MED12L: variants seen among roughly 807,000 people sequenced by gnomAD.
The protein encoded by MED12L is mediator complex subunit 12L, also known as mediator of RNA polymerase II transcription subunit 12-like protein.
MED12L carries 60 observed loss-of-function variants against 281.3 expected under a neutral mutation model. The ratio of observed to expected loss-of-function variants is 0.21; its 90% CI spans 0.17 to 0.26. The LOEUF is 0.26. Among genes scored for constraint, MED12L ranks in the 10% least tolerant of loss-of-function variants. The pLI is 1.00. For synonymous variants in MED12L, 974 were observed against 987.2 expected (o/e 0.99, Z 0.25); for missense variants, 2,146 against 2,680.9 (o/e 0.80, Z 4.41).
At chr3:151,299,050 C>G (rs570817546) in intron 16 of MED12L, among the ~76,000 whole-genome samples, 1 of 152,250 alleles carries the variant, frequency 6.6e-6, no homozygotes, top group African/African-American at 2.4e-5. Context: ...ACTACAGTAT[C>G]TAGTACTTAG....
chr3:151,143,839 A>G (rs906698694), intron 5 of MED12L, among the ~76,000 whole-genome samples: 1 of 152,200 alleles, frequency 6.6e-6, no homozygotes. Flanking sequence ...TTGGTGTCAC[A>G]TGTAGAAGGC....
At position 151,190,730 on chromosome 3, in the gene MED12L, T is replaced by C. The variant is rs34561681; in HGVS notation, c.1767T>C (p.Ser589=). 4,155 of 1,614,062 alleles carry C rather than the reference T, an allele frequency of 2.6e-3. 26 individuals carry two copies. Among genetic ancestry groups the C allele is most frequent in the Non-Finnish European group, 2.2e-3 (2,541 of 1,180,004 alleles). Residue 589 remains serine (S), a synonymous_variant, in exon 14 of 45, where the codon AGT becomes AGC. Coordinates refer to ENST00000687756, the MANE Select transcript of MED12L (RefSeq NM_001393769.1). ...GTTTCTCTATAGCGGACCCAAACAG[T>C]GAATGTGAAAAGGTGGAATTTGTGA... ...TQAPSLSDPN[S]ECEKVEFVNL...
At chr3:151,160,825 A>G (rs1357522851) in intron 8 of MED12L, among the ~76,000 whole-genome samples, 6 of 152,228 alleles carry the variant, frequency 3.9e-5, no homozygotes, top group Admixed American at 3.9e-4. Context: ...AGGCAGTTGA[A>G]AAGGGGAACC....
intron 16 of MED12L, among the ~76,000 whole-genome samples, chr3:151,281,320 G>A (rs1310269613): frequency 6.6e-6 from 1 of 150,702 alleles, no homozygotes; most frequent in Non-Finnish European, 1.5e-5. Flanking sequence ...TGAGGCAGGA[G>A]AATCACTCGA....
At chr3:151,126,757 G>T (rs192328065) in intron 4 of MED12L, among the ~76,000 whole-genome samples, 2 of 152,322 alleles carry the variant, frequency 1.3e-5, no homozygotes, top group East Asian at 3.9e-4. Flanking sequence ...TTGGCATGGA[G>T]AAATCCTTGG....
At position 151,435,065 on chromosome 3, in the gene MED12L, T is replaced by TC. The variant is rs1352601653; in HGVS notation, c.*2261_*2262insC. ...AATTCTGTATCTTGAGAGGTTTCTTTTTTTTTTTTTTTTTTTTCTTTTCTT... is the reference window on the plus strand; with the variant it reads ...AATTCTGTATCTTGAGAGGTTTCTTTCTTTTTTTTTTTTTTTTTCTTTTCTT... On this transcript the variant is annotated 3_prime_UTR_variant, in exon 45 of 45. Transcript: ENST00000687756. 4.1e-4 allele frequency: 54 copies of TC among 130,342 alleles called. No individual in the cohort carries two copies. The highest frequency in any genetic ancestry group is 1.7e-3 in the African/African-American group (45 of 26,484). 8.1% of individuals were successfully genotyped at this position (130,342 alleles called of 1,614,324 possible). A position where few individuals can be genotyped will look rare whatever the true frequency, so the allele number is the denominator to read the frequency against.
At chr3:151,135,949 C>A (rs550911817) in intron 5 of MED12L, among the ~76,000 whole-genome samples, 4 of 152,252 alleles carry the variant, frequency 2.6e-5, no homozygotes, top group African/African-American at 9.6e-5. Context: ...ACATATCATG[C>A]GCATGAGGTC....
At chr3:151,294,898 G>A (rs755038823) in intron 16 of MED12L, 2 of 1,613,854 alleles carry the variant, frequency 1.2e-6, no homozygotes, top group Non-Finnish European at 1.7e-6. Flanking sequence ...AAACTGAAGT[G>A]TATCTGCAGA....
rs376743895 is a variant in MED12L, at chr3:151,141,187, G to GTTTTTTTGTTTTTTTGTTTTTT, written c.556+13210_556+13211insGTTTTTTTGTTTTTTTTTTTTT. Among the ~76,000 whole-genome samples, 6 of 99,106 alleles carry GTTTTTTTGTTTTTTTGTTTTTT rather than the reference G, an allele frequency of 6.1e-5. 1 individual carries two copies. Among genetic ancestry groups the GTTTTTTTGTTTTTTTGTTTTTT allele is most frequent in the African/African-American group, 2.9e-4 (6 of 20,974 alleles). 65.0% of individuals were successfully genotyped at this position (99,106 alleles called of 152,430 possible). ...TGGCGTTTTTTTTTTTGTTTTTTTT[G>GTTTTTTTGTTTTTTTGTTTTTT]TTTTTTTTTTTTTGTTAGTAGAGAC... On this transcript the variant is annotated intron_variant, in intron 5 of 44. Coordinates refer to ENST00000687756, the MANE Select transcript of MED12L (RefSeq NM_001393769.1).
chr3:151,157,995 G>C (rs1357822728), intron 6 of MED12L, among the ~76,000 whole-genome samples: 1 of 152,126 alleles, frequency 6.6e-6, no homozygotes, highest in Non-Finnish European at 1.5e-5. Flanking sequence ...TTATCTATGT[G>C]TATATGCATA....
chr3:151,323,347 C>T (rs1000085399), intron 16 of MED12L, among the ~76,000 whole-genome samples: 1 of 152,182 alleles, frequency 6.6e-6, no homozygotes, highest in Non-Finnish European at 1.5e-5. Context: ...TAAAGCACAG[C>T]CCAGAACATG....
At chr3:151,242,072 A>T (rs1734237507) in intron 16 of MED12L, among the ~76,000 whole-genome samples, 1 of 152,194 alleles carries the variant, frequency 6.6e-6, no homozygotes, top group Non-Finnish European at 1.5e-5. Context: ...CGACGGGCTT[A>T]AAAAACGGGG....
rs774414819 is a variant in MED12L, at chr3:151,193,530, A to G, written c.2114A>G (p.Asn705Ser). ...CCTGGAGAATCCTGTGAGAATGCCA[A>G]CACTTCGTTGGGCAGAAGAATGTCA... is the stretch of plus-strand genomic sequence containing the variant. ...PMPGESCENA[N>S]TSLGRRMSVN... is the part of the protein sequence containing the mutation. Residue 705 changes from asparagine (N) to serine (S), a missense_variant, in exon 16 of 45, where the codon AAC becomes AGC. By Grantham distance (46) the Asn-to-Ser change is conservative (BLOSUM62 1). Coordinates refer to ENST00000687756, the MANE Select transcript of MED12L (RefSeq NM_001393769.1). 13 of 1,613,916 alleles carry G rather than the reference A, an allele frequency of 8.1e-6. No homozygotes were observed. Among genetic ancestry groups the G allele is most frequent in the East Asian group, 2.2e-5 (1 of 44,890 alleles).
At chr3:151,175,613 C>CA (rs1286476813) in intron 11 of MED12L, among the ~76,000 whole-genome samples, 1 of 152,136 alleles carries the variant, frequency 6.6e-6, no homozygotes, top group Non-Finnish European at 1.5e-5. Flanking sequence ...ATGTAGTTGT[C>CA]AGTTATTTTA....
chr3:151,430,276 C>A, intron 43 of MED12L, 23 bp from the exon 44 acceptor site: 1 of 1,613,874 alleles, frequency 6.2e-7, no homozygotes, highest in Non-Finnish European at 8.5e-7. Context: ...TGATTTCTGT[C>A]CTTTCTCCTG....
chr3:151,344,588 T>TGCAC (rs1752300945), intron 16 of MED12L, among the ~76,000 whole-genome samples: 1 of 152,196 alleles, frequency 6.6e-6, no homozygotes, highest in African/African-American at 2.4e-5. Context: ...GATAGGTTGC[T>TGCAC]ATGTGCAGTT....
intron 16 of MED12L, among the ~76,000 whole-genome samples, chr3:151,242,488 C>T (rs1439561167): frequency 6.6e-6 from 1 of 152,158 alleles, no homozygotes; most frequent in Non-Finnish European, 1.5e-5. Context: ...AACTGGGAGG[C>T]ACCCCCCAGC....
intron 16 of MED12L, among the ~76,000 whole-genome samples, chr3:151,300,781 T>C (rs1200256624): frequency 6.6e-6 from 1 of 152,206 alleles, no homozygotes; most frequent in African/African-American, 2.4e-5. Context: ...GAGCAGTTAC[T>C]TTTGTCCCTG....
At position 151,298,270 on chromosome 3, in the gene MED12L, A is replaced by C. The variant is rs185458188; in HGVS notation, c.2251-51789A>C. 7.2e-3 allele frequency among the ~76,000 whole-genome samples: 1,099 copies of C among 152,254 alleles called. 6 individuals carry two copies. The highest frequency in any genetic ancestry group is 0.012 in the Non-Finnish European group (820 of 68,010). ...CCAGTAAAAGTGAATGGCTTTCTTC[A>C]CCCAGGCAGTTTTATCATGTTGTTC... On this transcript the variant is annotated intron_variant, in intron 16 of 44. Coordinates refer to ENST00000687756, the MANE Select transcript of MED12L (RefSeq NM_001393769.1).
Sources: gnomAD v4.1 joint callset for allele counts (sites outside exome capture counted in the v4.1 genomes callset) on GRCh38, gnomAD v4.1.1 for gene constraint, MANE v1.5 for transcripts, NCBI Gene and HGNC (gene_info 2026-07-23, HGNC 2026-07-21) for gene names.